CCSER1: variants seen among roughly 807,000 people sequenced by gnomAD.
The protein encoded by CCSER1 is coiled-coil serine rich protein 1.
Under a neutral mutation model 82.0 loss-of-function variants are expected in CCSER1, and 41 were observed. The ratio of observed to expected loss-of-function variants is 0.50; its 90% CI spans 0.39 to 0.65. The LOEUF (loss-of-function observed/expected upper bound fraction) is 0.65, where lower values mean the gene tolerates loss of function less well. Among genes scored for constraint, CCSER1 ranks in the 30% least tolerant of loss-of-function variants. The probability of loss-of-function intolerance (pLI) is 0.00; values close to 1 mark genes in which losing one functional copy is unlikely to be tolerated. For synonymous variants in CCSER1, 414 were observed against 383.9 expected, an observed-to-expected ratio of 1.08 and a Z score of -0.92; for missense variants, 1,119 against 1,064.2, an observed-to-expected ratio of 1.05 and a Z score of -0.72.
At chr4:90,337,186 A>G (rs1740564128) in intron 3 of CCSER1, among the ~76,000 whole-genome samples, 1 of 152,240 alleles carries the variant, frequency 6.6e-6, no homozygotes, top group African/African-American at 2.4e-5. Flanking sequence ...TTGAAATGTA[A>G]TGCAGTGGGA....
intron 1 of CCSER1, among the ~76,000 whole-genome samples, chr4:90,288,744 A>G (rs923164028): frequency 2.6e-5 from 4 of 151,944 alleles, no homozygotes; most frequent in Non-Finnish European, 4.4e-5. Context: ...GTGATTTTCC[A>G]TACAAATTAC....
chr4:90,888,634 T>C (rs1053612940), intron 8 of CCSER1, among the ~76,000 whole-genome samples: 4 of 152,152 alleles, frequency 2.6e-5, no homozygotes, highest in African/African-American at 9.6e-5. Flanking sequence ...ACCTGTAACT[T>C]TGAGGAAATG....
intron 10 of CCSER1, among the ~76,000 whole-genome samples, chr4:91,483,499 G>A (rs556625416): frequency 1.1e-4 from 16 of 151,746 alleles, no homozygotes; most frequent in African/African-American, 3.9e-4. Context: ...GCAATGGGGT[G>A]ATCTTGGCTC....
intron 7 of CCSER1, among the ~76,000 whole-genome samples, chr4:90,808,491 A>G (rs2149728749): frequency 6.6e-6 from 1 of 152,300 alleles, no homozygotes; most frequent in African/African-American, 2.4e-5. Flanking sequence ...CCACCTGTAC[A>G]TCGACAAAGA....
At chr4:91,550,962 C>CA (rs1347351184) in intron 10 of CCSER1, among the ~76,000 whole-genome samples, 15 of 152,200 alleles carry the variant, frequency 9.9e-5, no homozygotes, top group African/African-American at 3.4e-4. Context: ...ATGTTCATGA[C>CA]TTACTTTAAG....
At chr4:91,022,005 T>C (rs940584496) in intron 9 of CCSER1, among the ~76,000 whole-genome samples, 3 of 151,476 alleles carry the variant, frequency 2.0e-5, no homozygotes, top group Non-Finnish European at 4.4e-5. Flanking sequence ...ATATTGAAAC[T>C]TTTTTTTTAT....
intron 8 of CCSER1, among the ~76,000 whole-genome samples, chr4:90,865,459 T>C (rs1765613820): frequency 6.6e-6 from 1 of 151,990 alleles, no homozygotes; most frequent in Non-Finnish European, 1.5e-5. Context: ...AAAGTCATGT[T>C]TTTTTAAATG....
intron 10 of CCSER1, among the ~76,000 whole-genome samples, chr4:91,508,455 C>T (rs1759645803): frequency 6.6e-6 from 1 of 151,294 alleles, no homozygotes; most frequent in Admixed American, 6.6e-5. Context: ...GAAATCCCAC[C>T]TGTTCCTGAT....
At chr4:91,048,068 A>G (rs889715439) in intron 9 of CCSER1, among the ~76,000 whole-genome samples, 4 of 152,034 alleles carry the variant, frequency 2.6e-5, no homozygotes, top group Non-Finnish European at 4.4e-5. Flanking sequence ...CAACTGAAAA[A>G]TCACTCATAT....
intron 1 of CCSER1, among the ~76,000 whole-genome samples, chr4:90,285,843 A>C (rs1729792686): frequency 6.6e-6 from 1 of 151,894 alleles, no homozygotes. Context: ...TTTTATCATG[A>C]AGGGATGTTG....
chr4:90,331,469 A>T (rs1739277672), intron 3 of CCSER1, among the ~76,000 whole-genome samples: 1 of 152,216 alleles, frequency 6.6e-6, no homozygotes, highest in Non-Finnish European at 1.5e-5. Flanking sequence ...ACATGGTATT[A>T]AAAGAAACTA....
intron 7 of CCSER1, among the ~76,000 whole-genome samples, chr4:90,734,206 A>T (rs1745271044): frequency 6.6e-6 from 1 of 151,714 alleles, no homozygotes; most frequent in African/African-American, 2.4e-5. Context: ...GGTCACTGCA[A>T]GCTCTGCCTC....
At chr4:90,357,108 C>T (rs1271228379) in intron 3 of CCSER1, among the ~76,000 whole-genome samples, 1 of 151,724 alleles carries the variant, frequency 6.6e-6, no homozygotes, top group Non-Finnish European at 1.5e-5. Context: ...GTTCTTTGGC[C>T]TTTTTATCAT....
At chr4:91,475,285 G>T (rs1757527260) in intron 10 of CCSER1, among the ~76,000 whole-genome samples, 1 of 151,824 alleles carries the variant, frequency 6.6e-6, no homozygotes, top group Admixed American at 6.6e-5. Context: ...TTGTAAAATA[G>T]ATACAGTAAA....
At chr4:90,303,748 C>A (rs1283493722) in intron 1 of CCSER1, among the ~76,000 whole-genome samples, 2 of 152,154 alleles carry the variant, frequency 1.3e-5, no homozygotes, top group Non-Finnish European at 2.9e-5. Flanking sequence ...TGCGCAAGGA[C>A]TTCATGTCTA....
intron 8 of CCSER1, among the ~76,000 whole-genome samples, chr4:90,921,806 C>T (rs957670473): frequency 2.5e-4 from 38 of 152,000 alleles, no homozygotes; most frequent in African/African-American, 9.2e-4. Context: ...ATTTACTTTT[C>T]ATGTACTTAT....
At chr4:90,242,927 T>G (rs1423607604) in intron 1 of CCSER1, among the ~76,000 whole-genome samples, 1 of 152,162 alleles carries the variant, frequency 6.6e-6, no homozygotes, top group Non-Finnish European at 1.5e-5. Flanking sequence ...CTACATAGTG[T>G]GGCTTCTAAA....
chr4:90,719,219 G>A (rs932577217), intron 6 of CCSER1, among the ~76,000 whole-genome samples: 11 of 152,042 alleles, frequency 7.2e-5, no homozygotes, highest in Non-Finnish European at 1.5e-5. Flanking sequence ...ACCCTTAGGA[G>A]CGCTAACCCT....
chr4:90,418,942 A>AT (rs1256905121), intron 4 of CCSER1, among the ~76,000 whole-genome samples: 1 of 152,008 alleles, frequency 6.6e-6, no homozygotes, highest in Non-Finnish European at 1.5e-5. Flanking sequence ...CCTCACAGCA[A>AT]TTCTCAGAAA....
Sources: gnomAD v4.1 joint callset for allele counts (sites outside exome capture counted in the v4.1 genomes callset) on GRCh38, gnomAD v4.1.1 for gene constraint, MANE v1.5 for transcripts, NCBI Gene and HGNC (gene_info 2026-07-23, HGNC 2026-07-21) for gene names.